The following PCDH9 variants were observed in gnomAD, a reference collection of about 807,000 sequenced individuals.
The protein encoded by PCDH9 is protocadherin 9, also known as protocadherin-9.
PCDH9 carries 24 observed loss-of-function variants against 70.6 expected under a neutral mutation model. The ratio of observed to expected loss-of-function variants is 0.34; its 90% CI spans 0.25 to 0.48. The LOEUF (loss-of-function observed/expected upper bound fraction) is 0.48, where lower values mean the gene tolerates loss of function less well. Among genes scored for constraint, PCDH9 ranks in the 20% least tolerant of loss-of-function variants. The pLI is 0.99. For missense variants in PCDH9, 1,281 were observed against 1,503.6 expected, an observed-to-expected ratio of 0.85 and a Z score of 2.45; for synonymous variants, 562 against 558.5, an observed-to-expected ratio of 1.01 and a Z score of -0.09.
chr13:66,961,692 T>A (rs911720299), intron 2 of PCDH9, among the ~76,000 whole-genome samples: 1 of 152,140 alleles, frequency 6.6e-6, no homozygotes, highest in African/African-American at 2.4e-5. Flanking sequence ...ATATCAATTT[T>A]TTGGTTAGAA....
intron 3 of PCDH9, among the ~76,000 whole-genome samples, chr13:66,818,497 G>T (rs1372100858): frequency 1.3e-5 from 2 of 152,074 alleles, no homozygotes; most frequent in Non-Finnish European, 2.9e-5. Context: ...CTGTGACATA[G>T]TATCTGCAGA....
At chr13:66,409,027 A>AT in intron 4 of PCDH9, among the ~76,000 whole-genome samples, 1 of 152,280 alleles carries the variant, frequency 6.6e-6, no homozygotes, top group Non-Finnish European at 1.5e-5. Context: ...AATGGAAAGA[A>AT]TACATACAAG....
intron 3 of PCDH9, among the ~76,000 whole-genome samples, chr13:66,846,062 C>T (rs118098875): frequency 6.7e-6 from 1 of 148,466 alleles, no homozygotes; most frequent in Non-Finnish European, 1.5e-5. Context: ...ACAAGATGGG[C>T]CATAACATTT....
chr13:67,029,881 A>T (rs1373411724), intron 2 of PCDH9, among the ~76,000 whole-genome samples: 3 of 152,202 alleles, frequency 2.0e-5, no homozygotes, highest in Non-Finnish European at 4.4e-5. Flanking sequence ...AACAAGCCAG[A>T]ACACTTTATC....
intron 2 of PCDH9, among the ~76,000 whole-genome samples, chr13:67,037,671 A>G (rs1278900366): frequency 6.6e-6 from 1 of 152,206 alleles, no homozygotes; most frequent in East Asian, 1.9e-4. Flanking sequence ...TCTTTCAGTG[A>G]GAACTGTAGT....
intron 3 of PCDH9, among the ~76,000 whole-genome samples, chr13:66,818,812 T>C (rs1365503591): frequency 6.6e-6 from 1 of 151,936 alleles, no homozygotes; most frequent in Non-Finnish European, 1.5e-5. Context: ...CGGGCGCCTA[T>C]AGTCCCAGCT....
At chr13:66,708,025 TA>T (rs2078735634) in intron 3 of PCDH9, among the ~76,000 whole-genome samples, 1 of 152,098 alleles carries the variant, frequency 6.6e-6, no homozygotes, top group African/African-American at 2.4e-5. Context: ...TGAACACAGA[TA>T]ACACTTTTAT....
At chr13:66,866,077 G>GA (rs1594173671) in intron 3 of PCDH9, among the ~76,000 whole-genome samples, 2 of 151,960 alleles carry the variant, frequency 1.3e-5, no homozygotes, top group Non-Finnish European at 2.9e-5. Flanking sequence ...GAACATGAGA[G>GA]AAAAAAAGGC....
At chr13:66,308,099 G>A (rs17081105) in intron 4 of PCDH9, among the ~76,000 whole-genome samples, 2,271 of 152,114 alleles carry the variant, frequency 0.015, 61 homozygotes, top group African/African-American at 0.051. Flanking sequence ...GAGCTGAGAG[G>A]GAAGTAAAAG....
At chr13:66,956,677 G>A (rs1950931733) in intron 2 of PCDH9, among the ~76,000 whole-genome samples, 1 of 152,190 alleles carries the variant, frequency 6.6e-6, no homozygotes, top group South Asian at 2.1e-4. Flanking sequence ...TTGAACCCAG[G>A]AGGTGGAGGT....
chr13:66,510,717 C>T (rs1275407386), intron 4 of PCDH9, among the ~76,000 whole-genome samples: 4 of 152,134 alleles, frequency 2.6e-5, no homozygotes, highest in Non-Finnish European at 5.9e-5. Context: ...GCATAGTATT[C>T]CATGGTGTAT....
intron 4 of PCDH9, among the ~76,000 whole-genome samples, chr13:66,484,326 C>T (rs1248392264): frequency 6.6e-6 from 1 of 152,078 alleles, no homozygotes; most frequent in Non-Finnish European, 1.5e-5. Context: ...CCCCTAGATA[C>T]ATACTGCCGT....
intron 4 of PCDH9, among the ~76,000 whole-genome samples, chr13:66,543,117 C>T (rs965109694): frequency 5.3e-5 from 8 of 151,838 alleles, no homozygotes; most frequent in South Asian, 2.1e-4. Context: ...TTCTCATTAA[C>T]GTAATGCTCT....
At chr13:66,928,365 C>T (rs1349831615) in intron 2 of PCDH9, among the ~76,000 whole-genome samples, 1 of 152,016 alleles carries the variant, frequency 6.6e-6, no homozygotes, top group Non-Finnish European at 1.5e-5. Flanking sequence ...CTGTCTGGCT[C>T]TTAATATGGA....
intron 3 of PCDH9, among the ~76,000 whole-genome samples, chr13:66,744,383 G>A (rs981834538): frequency 6.6e-6 from 1 of 152,128 alleles, no homozygotes; most frequent in Non-Finnish European, 1.5e-5. Flanking sequence ...AGCATGACTT[G>A]AAGTAAAGGT....
At position 67,042,758 on chromosome 13, in the gene PCDH9, G is replaced by A. The variant is rs1036054834; in HGVS notation, c.3037-139153C>T. Among the ~76,000 whole-genome samples, 4 of 152,162 alleles carry A rather than the reference G, an allele frequency of 2.6e-5. No homozygotes were observed. The East Asian group carries it at 5.8e-4, about 22-fold the overall frequency. The stretch of plus-strand genomic sequence containing the variant: ...AATGGTGCTTAGCTCCAAGTGTCAC[G>A]GTTTGGCAGAAAAACAGGCAAGAAA... On this transcript the variant is annotated intron_variant, in intron 2 of 4. Transcript: ENST00000377865.
intron 3 of PCDH9, among the ~76,000 whole-genome samples, chr13:66,689,705 T>C (rs2078455235): frequency 6.6e-6 from 1 of 152,142 alleles, no homozygotes; most frequent in African/African-American, 2.4e-5. Flanking sequence ...CAAAAAGGTA[T>C]CTTCGGGTGT....
At chr13:66,659,538 T>TG (rs1243166736) in intron 3 of PCDH9, among the ~76,000 whole-genome samples, 3 of 145,162 alleles carry the variant, frequency 2.1e-5, no homozygotes, top group Non-Finnish European at 3.0e-5. Context: ...TTAAGTTATG[T>TG]TTGTGTGTGT....
intron 3 of PCDH9, among the ~76,000 whole-genome samples, chr13:66,671,644 T>C (rs2078176841): frequency 6.6e-6 from 1 of 152,160 alleles, no homozygotes; most frequent in Non-Finnish European, 1.5e-5. Flanking sequence ...TGGTGGCATT[T>C]TGCCCCTGCC....
Sources: gnomAD v4.1 joint callset for allele counts (sites outside exome capture counted in the v4.1 genomes callset) on GRCh38, gnomAD v4.1.1 for gene constraint, MANE v1.5 for transcripts, NCBI Gene and HGNC (gene_info 2026-07-23, HGNC 2026-07-21) for gene names.